JAM3: variants seen among roughly 807,000 people sequenced by gnomAD.
JAM3 encodes junctional adhesion molecule C.
Under a neutral mutation model 39.4 loss-of-function variants are expected in JAM3, and 31 were observed. That is an observed-to-expected ratio of 0.79 (90% CI 0.59 to 1.06). The LOEUF (loss-of-function observed/expected upper bound fraction) is 1.06. JAM3 is among the 50% of genes least tolerant of loss of function. The pLI is 0.00. For missense variants in JAM3, 455 were observed against 391.4 expected (o/e 1.16, Z -1.37); for synonymous variants, 182 against 148.7 (o/e 1.22, Z -1.63).
At chr11:134,089,622 C>G (rs997600772) in intron 1 of JAM3, among the ~76,000 whole-genome samples, 2 of 152,098 alleles carry the variant, frequency 1.3e-5, no homozygotes, top group Non-Finnish European at 2.9e-5. Flanking sequence ...TCCATGTCCC[C>G]ACAAAGGACA....
chr11:134,069,473 G>C (rs1591763985), intron 1 of JAM3, among the ~76,000 whole-genome samples: 1 of 137,042 alleles, frequency 7.3e-6, no homozygotes, highest in Admixed American at 7.7e-5. Flanking sequence ...GGCTCTTCTC[G>C]GGCGGGGTCC....
At chr11:134,140,915 G>T in intron 3 of JAM3, 145 bp downstream of exon 3, 2 of 1,106,824 alleles carry the variant, frequency 1.8e-6, no homozygotes, top group Non-Finnish European at 1.2e-6. Flanking sequence ...TTATAATTAT[G>T]GAAAATTTCA....
chr11:134,143,595 G>C (rs951816161), intron 3 of JAM3, among the ~76,000 whole-genome samples: 1 of 152,134 alleles, frequency 6.6e-6, no homozygotes, highest in Admixed American at 6.5e-5. Context: ...CTTTATTCTG[G>C]ATGCTAGGTT....
intron 1 of JAM3, among the ~76,000 whole-genome samples, chr11:134,085,517 T>A (rs1256994325): frequency 6.6e-6 from 1 of 152,212 alleles, no homozygotes; most frequent in Non-Finnish European, 1.5e-5. Flanking sequence ...ATTTTTGTGA[T>A]TTCTGTTCTC....
chr11:134,098,892 A>G (rs1340728699), intron 1 of JAM3, among the ~76,000 whole-genome samples: 1 of 152,120 alleles, frequency 6.6e-6, no homozygotes, highest in Non-Finnish European at 1.5e-5. Context: ...CAGTCTCCAG[A>G]AAGCCTTCAT....
intron 1 of JAM3, among the ~76,000 whole-genome samples, chr11:134,093,103 T>C (rs1941903887): frequency 1.6e-5 from 2 of 126,872 alleles, no homozygotes; most frequent in Non-Finnish European, 3.3e-5. Flanking sequence ...ACATGTCACT[T>C]CCTGAGGGAA....
chr11:134,082,190 A>G (rs186114818), intron 1 of JAM3, among the ~76,000 whole-genome samples: 1 of 152,366 alleles, frequency 6.6e-6, no homozygotes, highest in East Asian at 1.9e-4. Flanking sequence ...CCTAATGCCT[A>G]TACCACATTG....
chr11:134,134,426 C>T (rs938660427), intron 1 of JAM3, among the ~76,000 whole-genome samples: 16 of 93,534 alleles, frequency 1.7e-4, no homozygotes, highest in African/African-American at 6.7e-4. Context: ...AAAAAAACAT[C>T]TAGGCATATC....
chr11:134,134,398 C>CAAAAAAAA lies in JAM3; in HGVS notation c.77-5436_77-5429dup, dbSNP rs34729848. Among the ~76,000 whole-genome samples the CAAAAAAAA allele has an allele frequency of 3.4e-3, 109 of 31,916 alleles. 1 individual carries two copies. The highest frequency in any genetic ancestry group is 4.5e-3 in the African/African-American group (36 of 7,928). The allele number at this position is 31,916 out of a possible 152,430, so 20.9% of individuals were successfully genotyped here. On this transcript the variant is annotated intron_variant, in intron 1 of 8. Coordinates refer to ENST00000299106, the MANE Select transcript of JAM3 (RefSeq NM_032801.5). The stretch of plus-strand genomic sequence containing the variant: ...AGAAAACACCAAACAGGATAAATGC[C>CAAAAAAAA]AAAAAAAAAAAAAAAAAAAAAAAAC...
At chr11:134,105,105 T>G (rs1052728860) in intron 1 of JAM3, among the ~76,000 whole-genome samples, 1 of 152,140 alleles carries the variant, frequency 6.6e-6, no homozygotes, top group South Asian at 2.1e-4. Context: ...AAATCCTCAA[T>G]AAAATACTGG....
intron 5 of JAM3, 31 bp from the exon 6 acceptor site, chr11:134,145,915 C>A: frequency 6.7e-7 from 1 of 1,487,092 alleles, no homozygotes; most frequent in Non-Finnish European, 9.4e-7. Flanking sequence ...CATGATGGGT[C>A]CGATTATTTA....
chr11:134,138,746 A>C (rs1489885495), intron 1 of JAM3, among the ~76,000 whole-genome samples: 2 of 152,262 alleles, frequency 1.3e-5, no homozygotes, highest in Admixed American at 6.5e-5. Flanking sequence ...TTAGGAACCA[A>C]TAGCAATTCA....
At chr11:134,147,214 G>A (rs1943089631) in intron 6 of JAM3, among the ~76,000 whole-genome samples, 1 of 151,960 alleles carries the variant, frequency 6.6e-6, no homozygotes, top group Non-Finnish European at 1.5e-5. Context: ...AGCACTCTGG[G>A]AGGCTGAGGC....
intron 1 of JAM3, among the ~76,000 whole-genome samples, chr11:134,101,755 G>C (rs528791247): frequency 9.1e-4 from 139 of 152,132 alleles, no homozygotes; most frequent in Non-Finnish European, 1.8e-3. Context: ...CTAGCTATGT[G>C]CCAGGAATTT....
intron 1 of JAM3, among the ~76,000 whole-genome samples, chr11:134,110,701 G>C (rs1326568586): frequency 1.4e-5 from 2 of 140,044 alleles, no homozygotes; most frequent in Non-Finnish European, 3.0e-5. Flanking sequence ...AACTTTTGAG[G>C]GTGGTGGGTA....
At position 134,151,744 on chromosome 11, in the gene JAM3, A is replaced by T. The variant is rs1943242828; in HGVS notation, c.*2563A>T. 1 of 152,212 alleles carries T rather than the reference A, an allele frequency of 6.6e-6. No homozygotes were observed. The highest frequency in any genetic ancestry group is 2.1e-4 in the South Asian group (1 of 4,828). The allele number at this position is 152,212 out of a possible 1,614,324, so 9.4% of individuals were successfully genotyped here. On this transcript the variant is annotated 3_prime_UTR_variant, in exon 9 of 9. Coordinates refer to ENST00000299106, the MANE Select transcript of JAM3 (RefSeq NM_032801.5). ...TTAACCTCATTTATAAAAGCTTCAA[A>T]AAAACCCAAACATTGCTTCATTCTT...
intron 1 of JAM3, among the ~76,000 whole-genome samples, chr11:134,122,701 G>C (rs1942560006): frequency 6.6e-6 from 1 of 152,164 alleles, no homozygotes; most frequent in South Asian, 2.1e-4. Context: ...TTACATATAG[G>C]GGGCAGTTTG....
chr11:134,083,491 A>C (rs191301523), intron 1 of JAM3, among the ~76,000 whole-genome samples: 23 of 152,332 alleles, frequency 1.5e-4, no homozygotes, highest in Admixed American at 3.9e-4. Context: ...GTTTGGAGTC[A>C]GGTAACTTTT....
intron 1 of JAM3, chr11:134,124,064 T>G: frequency 1.4e-6 from 2 of 1,466,724 alleles, no homozygotes; most frequent in Non-Finnish European, 9.5e-7. Context: ...CTTCACAGAA[T>G]TTGGTTTATA....
Sources: allele counts gnomAD v4.1 joint callset (sites outside exome capture counted in the v4.1 genomes callset), GRCh38; gene constraint gnomAD v4.1.1; transcripts MANE v1.5; gene names NCBI Gene and HGNC (gene_info 2026-07-23, HGNC 2026-07-21).